GPLD1: variants seen among roughly 807,000 people sequenced by gnomAD.
The protein encoded by GPLD1 is phosphatidylinositol-glycan-specific phospholipase D.
Under a neutral mutation model 112.6 loss-of-function variants are expected in GPLD1, and 84 were observed. The ratio of observed to expected loss-of-function variants is 0.75; its 90% CI spans 0.63 to 0.89. The LOEUF (loss-of-function observed/expected upper bound fraction) is 0.89. GPLD1 is among the 40% of genes least tolerant of loss of function. The pLI, the probability that GPLD1 is intolerant of heterozygous loss-of-function variation, is 0.00. For synonymous variants in GPLD1, 386 were observed against 403.8 expected (o/e 0.96, Z 0.53); for missense variants, 1,044 against 1,051.5 (o/e 0.99, Z 0.10).
Position 24,460,346 on chromosome 6 carries a change from TC to T in GPLD1, c.940del (p.Glu314LysfsTer7), listed in dbSNP as rs1763395423. 6.2e-7 allele frequency: 1 copy of T among 1,612,940 alleles called. No individual in the cohort carries two copies. The highest frequency in any genetic ancestry group is 8.5e-7 in the Non-Finnish European group (1 of 1,178,918). ...ATAGTTTATATTCCTGTCAACACTT[TC>T]AGTTAGGGATGTAGTCAAATTTCTG... Reference protein sequence around the residue: ...FHRNLTTSLTESVDRNINYTE... With the variant: ...FHRNLTTSLTXSVDRNINYTE... On this transcript the variant is annotated frameshift_variant, in exon 12 of 25. Coordinates refer to ENST00000230036, the MANE Select transcript of GPLD1 (RefSeq NM_001503.4). LOFTEE classifies it high-confidence loss of function.
At chr6:24,485,966 G>A in intron 2 of GPLD1, 109 bp downstream of exon 2, 1 of 709,948 alleles carries the variant, frequency 1.4e-6, no homozygotes. Context: ...ACCACGCCCA[G>A]CCAAAATGAG....
rs371612416 is a variant in GPLD1, at chr6:24,489,418, T to C, written c.94A>G (p.Ile32Val). 5 of 1,598,242 alleles carry C rather than the reference T, an allele frequency of 3.1e-6. No individual in the cohort carries two copies. Among genetic ancestry groups the C allele is most frequent in the Non-Finnish European group, 4.3e-6 (5 of 1,165,734 alleles). The part of the protein sequence containing the change: ...SPCGLSTHVE[I>V]GHRALEFLQL... ...ATAACAAGACACCAGTACTTACCTA[T>C]TTCTACGTGTGTTGAAAGGCCACAC... Residue 32 changes from isoleucine to valine, a missense_variant, in exon 1 of 25, where the codon ATA becomes GTA. Physicochemically the swap from Ile to Val is conservative, Grantham distance 29. Transcript: ENST00000230036.
chr6:24,460,147 C>T (rs1646903040), intron 12 of GPLD1, 132 bp downstream of exon 12: 6 of 1,027,776 alleles, frequency 5.8e-6, no homozygotes, highest in Non-Finnish European at 8.9e-6. Context: ...ATCCTCTCAA[C>T]TCAGCCTCCC....
At chr6:24,472,245 A>G (rs1763850420) in intron 7 of GPLD1, among the ~76,000 whole-genome samples, 2 of 152,246 alleles carry the variant, frequency 1.3e-5, no homozygotes, top group Non-Finnish European at 2.9e-5. Flanking sequence ...ATGAGATACC[A>G]TTACACACAA....
At chr6:24,433,414 G>C in intron 22 of GPLD1, 25 bp from the exon 23 acceptor site, 1 of 1,550,062 alleles carries the variant, frequency 6.5e-7, no homozygotes, top group Non-Finnish European at 8.9e-7. Context: ...TGAGGAGAGA[G>C]ACAATGTTAT....
chr6:24,472,598 A>C lies in GPLD1; in HGVS notation c.529T>G (p.Tyr177Asp). ...VLSQFEFNFN[Y>D]LARRWYVPVK... The stretch of plus-strand genomic sequence containing the variant: ...TGCTCTTACCAGCGTCGTGCAAGGT[A>C]ATTAAAATTAAATTCAAACTGGCTC... Residue 177 changes from tyrosine to aspartate, a missense_variant, in exon 7 of 25, where the codon TAC becomes GAC. Physicochemically the swap from Tyr to Asp is radical, Grantham distance 160. Transcript: ENST00000230036. 1 of 1,593,716 alleles carries C rather than the reference A, an allele frequency of 6.3e-7. No individual in the cohort carries two copies. Among genetic ancestry groups the C allele is most frequent in the South Asian group, 1.1e-5 (1 of 90,648 alleles).
chr6:24,435,930 A>T (rs1312831154), intron 22 of GPLD1: 2 of 151,612 alleles, frequency 1.3e-5, no homozygotes, highest in Non-Finnish European at 2.9e-5. Flanking sequence ...AAAGAAATGA[A>T]ACAAAAAGCA....
intron 2 of GPLD1, among the ~76,000 whole-genome samples, chr6:24,484,644 TCACTCTGCACA>T (rs1228498117): frequency 6.6e-6 from 1 of 152,190 alleles, no homozygotes; most frequent in African/African-American, 2.4e-5. Flanking sequence ...CTACTAGAAA[TCACTCTGCACA>T]CACTCTGGAT....
At chr6:24,455,857 T>C (rs1763248432) in intron 13 of GPLD1, among the ~76,000 whole-genome samples, 3 of 152,194 alleles carry the variant, frequency 2.0e-5, no homozygotes, top group South Asian at 4.1e-4. Flanking sequence ...GATCATTTCA[T>C]TGTTACAATA....
intron 14 of GPLD1, among the ~76,000 whole-genome samples, chr6:24,451,744 T>C (rs960620508): frequency 6.6e-6 from 1 of 152,198 alleles, no homozygotes; most frequent in Non-Finnish European, 1.5e-5. Flanking sequence ...ATTTATTAGG[T>C]AATCTCTCCA....
At chr6:24,436,992 A>G (rs1033105708) in intron 21 of GPLD1, 121 bp downstream of exon 21, 15 of 901,870 alleles carry the variant, frequency 1.7e-5, no homozygotes, top group Non-Finnish European at 2.6e-5. Flanking sequence ...AGATCTGTCT[A>G]AAGGTCCTTG....
intron 2 of GPLD1, among the ~76,000 whole-genome samples, chr6:24,484,213 C>A (rs1014142668): frequency 2.0e-5 from 3 of 151,562 alleles, no homozygotes; most frequent in Admixed American, 6.6e-5. Context: ...CCGTGCCTGG[C>A]CCACCATTTG....
intron 14 of GPLD1, among the ~76,000 whole-genome samples, chr6:24,452,275 G>A (rs764234203): frequency 2.6e-5 from 4 of 152,176 alleles, no homozygotes; most frequent in Non-Finnish European, 5.9e-5. Context: ...TCGGGGAAAG[G>A]CTTTGTAGAG....
intron 21 of GPLD1, 49 bp downstream of exon 21, chr6:24,437,064 C>A (rs1159412840): frequency 5.8e-6 from 9 of 1,556,636 alleles, no homozygotes; most frequent in Non-Finnish European, 7.1e-6. Flanking sequence ...GACCCACCCC[C>A]TGGGCAAAGG....
At chr6:24,481,494 T>G (rs1764202254) in intron 2 of GPLD1, among the ~76,000 whole-genome samples, 1 of 152,188 alleles carries the variant, frequency 6.6e-6, no homozygotes, top group Non-Finnish European at 1.5e-5. Context: ...ATTCTCCTCC[T>G]TCTAGAGGCA....
upstream of GPLD1, chr6:24,489,735 G>C: frequency 1.6e-6 from 1 of 633,446 alleles, no homozygotes; most frequent in Non-Finnish European, 2.5e-6. Flanking sequence ...GCTCCTGGGG[G>C]GTGGGGTTGG....
chr6:24,430,019 AACT>A (rs142836953), intron 24 of GPLD1, among the ~76,000 whole-genome samples: 17,139 of 152,208 alleles, frequency 0.11, 1,310 homozygotes, highest in East Asian at 0.15. Flanking sequence ...TAATTTTGAA[AACT>A]ACTGATGAAA....
At chr6:24,440,445 TAAAAAG>T (rs1006314315) in intron 20 of GPLD1, among the ~76,000 whole-genome samples, 7 of 151,810 alleles carry the variant, frequency 4.6e-5, no homozygotes, top group Admixed American at 1.3e-4. Flanking sequence ...CCCTATGGCT[TAAAAAG>T]AAAAAGAAAA....
intron 3 of GPLD1, among the ~76,000 whole-genome samples, chr6:24,478,431 A>G (rs1764093134): frequency 6.6e-6 from 1 of 152,166 alleles, no homozygotes; most frequent in African/African-American, 2.4e-5. Flanking sequence ...AATTAAAGGA[A>G]TGGGATAATA....
Sources: allele counts gnomAD v4.1 joint callset (sites outside exome capture counted in the v4.1 genomes callset), GRCh38; gene constraint gnomAD v4.1.1; transcripts MANE v1.5; gene names NCBI Gene and HGNC (gene_info 2026-07-23, HGNC 2026-07-21).